The following RCOR3 variants were observed in gnomAD, a reference collection of about 807,000 sequenced individuals.
RCOR3 encodes REST corepressor 3.
RCOR3 carries 13 observed loss-of-function variants against 64.1 expected under a neutral mutation model. That is an observed-to-expected ratio of 0.20 (90% confidence interval 0.13 to 0.32). RCOR3 has a LOEUF of 0.32. Among genes scored for constraint, RCOR3 ranks in the 10% least tolerant of loss-of-function variants. RCOR3 has a pLI of 1.00. For missense variants in RCOR3, 489 were observed against 701.2 expected (o/e 0.70, Z 3.42); for synonymous variants, 215 against 239.0 (o/e 0.90, Z 0.93).
chr1:211,304,541 T>C (rs1201067389), intron 10 of RCOR3, among the ~76,000 whole-genome samples: 4 of 152,224 alleles, frequency 2.6e-5, no homozygotes, highest in Non-Finnish European at 5.9e-5. Flanking sequence ...AAATAGTGTT[T>C]ATCTGATAAA....
At chr1:211,291,606 A>G (rs1270249463) in intron 8 of RCOR3, 2 of 455,892 alleles carry the variant, frequency 4.4e-6, no homozygotes, top group Non-Finnish European at 8.8e-6. Context: ...AAATGTAAGA[A>G]CCTTGCAACA....
intron 2 of RCOR3, among the ~76,000 whole-genome samples, chr1:211,266,056 G>T (rs2102437751): frequency 6.6e-6 from 1 of 152,226 alleles, no homozygotes; most frequent in East Asian, 1.9e-4. Flanking sequence ...GAGTTTTCAG[G>T]CAGATTGTCT....
At chr1:211,308,698 T>TTTTTTTTTTTTTTTTTTTGTGTG (rs1701171863) in intron 10 of RCOR3, among the ~76,000 whole-genome samples, 1 of 40,844 alleles carries the variant, frequency 2.4e-5, no homozygotes, top group African/African-American at 6.9e-5. Flanking sequence ...TTTTTTTTTT[T>TTTTTTTTTTTTTTTTTTTGTGTG]TGTGTAGTCC....
rs180895473 is a variant in RCOR3, at chr1:211,315,428, C to T, written c.*1660C>T. Reference sequence around the variant, plus strand: ...TACTGGCATATTTGAAACTCTTTTTCCAGGTTAGGTCCTTTTCTTTCTCAT... The same window carrying T: ...TACTGGCATATTTGAAACTCTTTTTTCAGGTTAGGTCCTTTTCTTTCTCAT... On this transcript the variant is annotated 3_prime_UTR_variant, in exon 12 of 12. Coordinates refer to ENST00000419091, the MANE Select transcript of RCOR3 (RefSeq NM_001136223.3). 4.9e-4 allele frequency: 74 copies of T among 152,266 alleles called. No individual in the cohort carries two copies. The highest frequency in any genetic ancestry group is 1.7e-3 in the African/African-American group (72 of 41,560). The allele number at this position is 152,266 out of a possible 1,614,324, so 9.4% of individuals were successfully genotyped here.
chr1:211,271,660 A>G, intron 3 of RCOR3: 1 of 406,388 alleles, frequency 2.5e-6, no homozygotes, highest in Non-Finnish European at 4.9e-6. Context: ...CATGCCTTCA[A>G]ACTTCAAAGA....
At chr1:211,295,044 ATTTTTTTT>A (rs67407386) in intron 8 of RCOR3, among the ~76,000 whole-genome samples, 2 of 44,390 alleles carry the variant, frequency 4.5e-5, no homozygotes, top group East Asian at 6.4e-4. Flanking sequence ...TGACCAGCTA[ATTTTTTTT>A]TTTTTTTTTT....
intron 10 of RCOR3, among the ~76,000 whole-genome samples, chr1:211,304,766 A>G (rs1700701659): frequency 6.6e-6 from 1 of 152,210 alleles, no homozygotes; most frequent in Admixed American, 6.5e-5. Flanking sequence ...TTTTTGTATT[A>G]TGAATACCCA....
At chr1:211,303,357 A>C (rs983233180) in intron 9 of RCOR3, 1 of 152,170 alleles carries the variant, frequency 6.6e-6, no homozygotes, top group African/African-American at 2.4e-5. Flanking sequence ...GGTAAGACCT[A>C]AACGCCCCTT....
intron 3 of RCOR3, 59 bp from the exon 4 acceptor site, chr1:211,274,151 A>T: frequency 8.4e-7 from 1 of 1,184,288 alleles, no homozygotes; most frequent in Non-Finnish European, 1.2e-6. Context: ...GAACAAAAGT[A>T]GACCTAGGTA....
intron 7 of RCOR3, among the ~76,000 whole-genome samples, chr1:211,285,925 G>C (rs916375798): frequency 1.3e-5 from 2 of 152,158 alleles, no homozygotes; most frequent in Middle Eastern, 3.4e-3. Flanking sequence ...CAATATGTAG[G>C]GTCTCTTTTA....
chr1:211,279,899 G>T (rs867996360), intron 7 of RCOR3, among the ~76,000 whole-genome samples: 1 of 152,060 alleles, frequency 6.6e-6, no homozygotes, highest in Admixed American at 6.6e-5. Context: ...TGGATTCGTT[G>T]CTATTCACGG....
At chr1:211,268,369 C>CTTTTTTTT (rs756643084) in intron 2 of RCOR3, among the ~76,000 whole-genome samples, 35 of 79,354 alleles carry the variant, frequency 4.4e-4, no homozygotes, top group African/African-American at 6.6e-4. Context: ...TCTTTTCTTT[C>CTTTTTTTT]TTTTTTTTTT....
At chr1:211,307,956 C>G (rs1701028652) in intron 10 of RCOR3, among the ~76,000 whole-genome samples, 1 of 151,822 alleles carries the variant, frequency 6.6e-6, no homozygotes, top group Non-Finnish European at 1.5e-5. Context: ...GTTCATTCAC[C>G]TTTTTAAGAT....
rs770359317 is a variant in RCOR3, at chr1:211,260,171, A to G, written c.223+7A>G. 7 of 1,611,570 alleles carry G rather than the reference A, an allele frequency of 4.3e-6. No homozygotes were observed. In the South Asian group the frequency reaches 4.4e-5, roughly 10 times the overall value. The stretch of plus-strand genomic sequence containing the variant: ...ATCCCTGAATTTGATCCAGGTAGAT[A>G]TATTTGCTTAAGCAAAATCTCATAT... On this transcript the variant is annotated splice_region_variant and intron_variant, in intron 2 of 11. Coordinates refer to ENST00000419091, the MANE Select transcript of RCOR3 (RefSeq NM_001136223.3).
intron 7 of RCOR3, among the ~76,000 whole-genome samples, chr1:211,286,312 CTT>C (rs11306768): frequency 1.4e-3 from 167 of 122,938 alleles, no homozygotes; most frequent in Non-Finnish European, 1.4e-3. Context: ...TATTTCTTTT[CTT>C]TTTTTTTTTT....
chr1:211,278,237 G>A lies in RCOR3; in HGVS notation c.637G>A (p.Asp213Asn). ...RKLANRHNQG[D>N]SDDDVEETHP... ...ACTAGCTAATAGACATAATCAGGGT[G>A]ACAGGTAGGTTGGTTACCTTCATAT... The change falls in exon 6 of 12, where the codon GAC (aspartate) becomes AAC (asparagine). Residue 213 changes from aspartate (D) to asparagine (N), a missense_variant. By Grantham distance (23) the Asp-to-Asn change is conservative. Coordinates refer to ENST00000419091, the MANE Select transcript of RCOR3 (RefSeq NM_001136223.3). 6.2e-7 allele frequency: 1 copy of A among 1,613,678 alleles called. No individual in the cohort carries two copies. The highest frequency in any genetic ancestry group is 8.5e-7 in the Non-Finnish European group (1 of 1,179,808).
In RCOR3 at chr1:211,279,331, T is replaced by C. The variant is rs1179549835; in HGVS notation, c.720+15T>C. ...CCAAAAAAGAGGTAATGATGATCAC[T>C]AGAAGTACTTGTGATTGTTCTACAA... On this transcript the variant is annotated intron_variant, in intron 7 of 11. Transcript: ENST00000419091. The C allele has an allele frequency of 1.9e-6, 3 of 1,548,262 alleles. No individual in the cohort carries two copies. In the East Asian group the frequency reaches 6.7e-5, roughly 35 times the overall value.
At chr1:211,271,870 T>C (rs1173967104) in intron 3 of RCOR3, 2 of 173,208 alleles carry the variant, frequency 1.2e-5, no homozygotes, top group Non-Finnish European at 2.5e-5. Flanking sequence ...ATAGGAAACG[T>C]GCAGGTAACA....
intron 9 of RCOR3, among the ~76,000 whole-genome samples, chr1:211,298,595 C>G (rs1700069803): frequency 6.6e-6 from 1 of 152,100 alleles, no homozygotes; most frequent in South Asian, 2.1e-4. Context: ...CTTAGGAAGG[C>G]AAACTTGGAT....
Sources: gnomAD v4.1 joint callset for allele counts (sites outside exome capture counted in the v4.1 genomes callset) on GRCh38, gnomAD v4.1.1 for gene constraint, MANE v1.5 for transcripts, NCBI Gene and HGNC (gene_info 2026-07-23, HGNC 2026-07-21) for gene names.